Variants in CAMK1D observed in about 807,000 individuals in gnomAD.
The protein encoded by CAMK1D is calcium/calmodulin dependent protein kinase ID.
In CAMK1D, 9 loss-of-function variants were observed where a neutral mutation model predicts 47.7. The ratio of observed to expected loss-of-function variants is 0.19; its 90% CI spans 0.11 to 0.33. The LOEUF (loss-of-function observed/expected upper bound fraction) is 0.33. Among genes scored for constraint, CAMK1D ranks in the 10% least tolerant of loss-of-function variants. The probability of loss-of-function intolerance (pLI) is 1.00; values close to 1 mark genes in which losing one functional copy is unlikely to be tolerated. For missense variants in CAMK1D, 291 were observed against 488.7 expected (o/e 0.60, Z 3.81); for synonymous variants, 184 against 184.9 (o/e 0.99, Z 0.04).
chr10:12,355,989 T>C (rs1016241354), intron 1 of CAMK1D, among the ~76,000 whole-genome samples: 8 of 152,000 alleles, frequency 5.3e-5, no homozygotes, highest in Admixed American at 2.0e-4. Context: ...GAAAGAGCCA[T>C]GGGGCTGTCT....
intron 5 of CAMK1D, among the ~76,000 whole-genome samples, chr10:12,772,337 A>T (rs1363354191): frequency 2.0e-5 from 3 of 152,136 alleles, no homozygotes; most frequent in Non-Finnish European, 4.4e-5. Context: ...TTAGGTCATG[A>T]TGCTGGTTCT....
chr10:12,819,290 T>C (rs538489017), intron 8 of CAMK1D, among the ~76,000 whole-genome samples: 2 of 152,280 alleles, frequency 1.3e-5, no homozygotes, highest in African/African-American at 4.8e-5. Flanking sequence ...CAGATGAGCG[T>C]CTGGGCATAC....
At chr10:12,571,453 C>CAAAAAAAAA (rs766454210) in intron 2 of CAMK1D, among the ~76,000 whole-genome samples, 14 of 89,182 alleles carry the variant, frequency 1.6e-4, no homozygotes, top group South Asian at 4.3e-4. Context: ...GACTCCATCA[C>CAAAAAAAAA]AAAAAAAAAA....
intron 2 of CAMK1D, among the ~76,000 whole-genome samples, chr10:12,567,632 A>G (rs2132304998): frequency 6.6e-6 from 1 of 152,334 alleles, no homozygotes; most frequent in Middle Eastern, 3.4e-3. Flanking sequence ...TGCTGGGTTT[A>G]GAGCCAAGTG....
chr10:12,401,194 TTA>T (rs1256239403), intron 1 of CAMK1D, among the ~76,000 whole-genome samples: 1,077 of 37,976 alleles, frequency 0.028, 178 homozygotes, highest in African/African-American at 0.11. Flanking sequence ...TATATATATT[TTA>T]TATATATATA....
At chr10:12,743,338 C>A (rs1375475804) in intron 3 of CAMK1D, among the ~76,000 whole-genome samples, 2 of 133,102 alleles carry the variant, frequency 1.5e-5, no homozygotes, top group South Asian at 2.4e-4. Context: ...CAGGGTAAGA[C>A]CCTGTCTCAA....
At chr10:12,523,115 G>T (rs1383757190) in intron 1 of CAMK1D, among the ~76,000 whole-genome samples, 2 of 151,418 alleles carry the variant, frequency 1.3e-5, no homozygotes, top group Admixed American at 1.3e-4. Flanking sequence ...AGACGGGGCG[G>T]CTGGGCAGAG....
chr10:12,669,474 A>G (rs1000560724), intron 3 of CAMK1D, among the ~76,000 whole-genome samples: 6 of 152,216 alleles, frequency 3.9e-5, no homozygotes, highest in Non-Finnish European at 7.3e-5. Context: ...TAGATATGCT[A>G]ATTTAAAAAA....
chr10:12,425,012 A>G (rs990049487), intron 1 of CAMK1D, among the ~76,000 whole-genome samples: 3 of 152,056 alleles, frequency 2.0e-5, no homozygotes, highest in Non-Finnish European at 2.9e-5. Flanking sequence ...TGGTCTCTCT[A>G]CTTATAAGGC....
In CAMK1D at chr10:12,835,130, C is replaced by T. The variant is rs944374707; in HGVS notation, c.*6243C>T. 2.0e-5 allele frequency: 3 copies of T among 152,142 alleles called. No individual in the cohort carries two copies. The highest frequency in any genetic ancestry group is 1.3e-4 in the Admixed American group (2 of 15,278). 9.4% of individuals were successfully genotyped at this position (152,142 alleles called of 1,614,324 possible). On this transcript the variant is annotated 3_prime_UTR_variant, in exon 11 of 11. Transcript: ENST00000619168. ...TCAGGTGAGAAGACCTCAAAGGTACCCTCTGTCCAGAATAAACATTGGAAC... is the reference window on the plus strand; with the variant it reads ...TCAGGTGAGAAGACCTCAAAGGTACTCTCTGTCCAGAATAAACATTGGAAC...
intron 2 of CAMK1D, among the ~76,000 whole-genome samples, chr10:12,581,549 T>G (rs1427810656): frequency 6.6e-6 from 1 of 152,192 alleles, no homozygotes; most frequent in East Asian, 1.9e-4. Context: ...CACCAACATC[T>G]ACTGTTTTTT....
At chr10:12,363,447 G>A (rs1837739502) in intron 1 of CAMK1D, among the ~76,000 whole-genome samples, 1 of 151,840 alleles carries the variant, frequency 6.6e-6, no homozygotes, top group South Asian at 2.1e-4. Flanking sequence ...TACAGATGGG[G>A]TTTCACCACG....
chr10:12,709,803 G>C (rs1019521678), intron 3 of CAMK1D, among the ~76,000 whole-genome samples: 1 of 152,126 alleles, frequency 6.6e-6, no homozygotes, highest in Admixed American at 6.5e-5. Context: ...TTGTTACTTT[G>C]TTTAACTTTT....
rs551002544 is a variant in CAMK1D, at chr10:12,650,971, C to T, written c.225-15765C>T. 3.3e-5 allele frequency among the ~76,000 whole-genome samples: 5 copies of T among 152,330 alleles called. No individual in the cohort carries two copies. The East Asian group carries it at 9.7e-4, about 29-fold the overall frequency. On this transcript the variant is annotated intron_variant, in intron 2 of 10. Coordinates refer to ENST00000619168, the MANE Select transcript of CAMK1D (RefSeq NM_153498.4). ...TCCCCCAGATTCGAGTTCGCTTCCC[C>T]TAAGGCTCCCTGGATTAAGCTTCAC...
rs1440113232 is a variant in CAMK1D at position 12,835,488 on chromosome 10, T to C, written c.*6601T>C. 6.6e-6 allele frequency: 1 copy of C among 152,228 alleles called. No individual in the cohort carries two copies. Among genetic ancestry groups the C allele is most frequent in the African/African-American group, 2.4e-5 (1 of 41,448 alleles). The allele number at this position is 152,228 out of a possible 1,614,324, so 9.4% of individuals were successfully genotyped here. A position where few individuals can be genotyped will look rare whatever the true frequency, so the allele number is the denominator to read the frequency against. On this transcript the variant is annotated 3_prime_UTR_variant, in exon 11 of 11. Coordinates refer to ENST00000619168, the MANE Select transcript of CAMK1D (RefSeq NM_153498.4). ...ATACATATCAAGATTTCTATCATAA[T>C]GATAATGAGATTGATGACTTCCTGT...
At chr10:12,486,655 A>G (rs892329758) in intron 1 of CAMK1D, among the ~76,000 whole-genome samples, 1 of 152,216 alleles carries the variant, frequency 6.6e-6, no homozygotes, top group Non-Finnish European at 1.5e-5. Context: ...CTTCTCTGTT[A>G]CAAGATTTTA....
intron 5 of CAMK1D, among the ~76,000 whole-genome samples, chr10:12,776,262 C>G (rs1321240509): frequency 6.6e-6 from 1 of 152,202 alleles, no homozygotes; most frequent in Non-Finnish European, 1.5e-5. Context: ...AAGGATAATT[C>G]AAAGGTTTTT....
intron 3 of CAMK1D, among the ~76,000 whole-genome samples, chr10:12,706,931 C>T (rs561328366): frequency 6.9e-4 from 105 of 152,130 alleles, no homozygotes; most frequent in Admixed American, 5.6e-3. Context: ...TAGGGTGGGA[C>T]GTGCTAGAAT....
rs1310321623 is a variant in CAMK1D, at chr10:12,829,828, C to T, written c.*941C>T. The T allele has an allele frequency of 6.6e-6, 1 of 152,184 alleles. No homozygotes were observed. The highest frequency in any genetic ancestry group is 2.4e-5 in the African/African-American group (1 of 41,404). The allele number at this position is 152,184 out of a possible 1,614,324, so 9.4% of individuals were successfully genotyped here. On this transcript the variant is annotated 3_prime_UTR_variant, in exon 11 of 11. Transcript: ENST00000619168. ...CTACTCCTTCTGTTTCTCTCCCCTT[C>T]CCCAGGAGGAGGGGCCCCTCAGTTC...
Sources: gnomAD v4.1 joint callset for allele counts (sites outside exome capture counted in the v4.1 genomes callset) on GRCh38, gnomAD v4.1.1 for gene constraint, MANE v1.5 for transcripts, NCBI Gene and HGNC (gene_info 2026-07-23, HGNC 2026-07-21) for gene names.